Variants in MARK2 observed in about 807,000 individuals in gnomAD.
MARK2 encodes microtubule affinity regulating kinase 2, also known as serine/threonine-protein kinase MARK2.
Under a neutral mutation model 89.8 loss-of-function variants are expected in MARK2, and 16 were observed. That is an observed-to-expected ratio of 0.18 (90% CI 0.12 to 0.27). The LOEUF (loss-of-function observed/expected upper bound fraction) is 0.27, where lower values mean the gene tolerates loss of function less well. MARK2 is among the 10% of genes least tolerant of loss of function. The probability of loss-of-function intolerance (pLI) is 1.00; values close to 1 mark genes in which losing one functional copy is unlikely to be tolerated. For synonymous variants in MARK2, 382 were observed against 399.5 expected (o/e 0.96, Z 0.52); for missense variants, 621 against 1,049.9 (o/e 0.59, Z 5.65).
intron 18 of MARK2, 45 bp downstream of exon 18, chr11:63,908,349 C>T (rs1411612139): frequency 8.7e-6 from 13 of 1,486,752 alleles, no homozygotes; most frequent in Non-Finnish European, 1.2e-5. Flanking sequence ...GGCCACCGGG[C>T]TTGCCACAGC....
rs955129755 is a variant in MARK2, at chr11:63,889,750, G to A, written c.55-5409G>A. Among the ~76,000 whole-genome samples, 8 of 152,314 alleles carry A rather than the reference G, an allele frequency of 5.3e-5. No homozygotes were observed. In the East Asian group the frequency reaches 1.2e-3, roughly 22 times the overall value. On this transcript the variant is annotated intron_variant, in intron 1 of 18. Coordinates refer to ENST00000402010, the MANE Select transcript of MARK2 (RefSeq NM_001039469.3). The stretch of plus-strand genomic sequence containing the variant: ...TAGTAACTACTTGGTTTGCCTTTTG[G>A]TTCCAAATAACTGCCTTGCAGGGTG...
chr11:63,909,267 C>T lies in MARK2; in HGVS notation c.*30C>T, dbSNP rs1016076928. 3 of 1,545,792 alleles carry T rather than the reference C, an allele frequency of 1.9e-6. No individual in the cohort carries two copies. Among genetic ancestry groups the T allele is most frequent in the South Asian group, 1.2e-5 (1 of 83,684 alleles). ...CTGCCAGGAGCGGGGGCGGCGGGGG[C>T]GGGCCAGCTGGACGGGCTGCCGGCC... On this transcript the variant is annotated 3_prime_UTR_variant, in exon 19 of 19. Transcript: ENST00000402010.
chr11:63,863,982 C>G (rs1591001439), intron 1 of MARK2, among the ~76,000 whole-genome samples: 1 of 151,664 alleles, frequency 6.6e-6, no homozygotes, highest in Admixed American at 6.6e-5. Context: ...GAGACTGAGT[C>G]TCGCTTTGTC....
intron 3 of MARK2, 49 bp from the exon 4 acceptor site, chr11:63,898,183 T>C (rs2135334416): frequency 1.3e-6 from 2 of 1,543,730 alleles, no homozygotes; most frequent in East Asian, 4.5e-5. Context: ...TGGAGAGACC[T>C]GATGGGAGCA....
chr11:63,878,477 C>G (rs1193435326), intron 1 of MARK2, among the ~76,000 whole-genome samples: 1 of 149,440 alleles, frequency 6.7e-6, no homozygotes, highest in Non-Finnish European at 1.5e-5. Flanking sequence ...TCACGCCATT[C>G]TCCTGCCTCA....
chr11:63,854,186 CTGTG>C (rs55689743), intron 1 of MARK2, among the ~76,000 whole-genome samples: 3,029 of 141,610 alleles, frequency 0.021, 104 homozygotes, highest in African/African-American at 0.07. Flanking sequence ...ACTATTAATT[CTGTG>C]TGTGTGTGTG....
At chr11:63,840,704 T>C (rs2015969826) in intron 1 of MARK2, among the ~76,000 whole-genome samples, 1 of 152,236 alleles carries the variant, frequency 6.6e-6, no homozygotes, top group Admixed American at 6.5e-5. Flanking sequence ...ATTAGTCTCC[T>C]GCCTTCTTCA....
chr11:63,902,366 C>A lies in MARK2; in HGVS notation c.1234+36C>A. ...TTGGGAGTTGTAGGTGGGGACTCAC[C>A]CCTCTCCAGAGAGGTTACAGGTTCT... On this transcript the variant is annotated intron_variant, in intron 12 of 18. Coordinates refer to ENST00000402010, the MANE Select transcript of MARK2 (RefSeq NM_001039469.3). The surrounding 1 kb of genome is among the most constrained non-coding windows in gnomAD (Gnocchi z 4.2). 1.2e-6 allele frequency: 2 copies of A among 1,612,798 alleles called. No individual in the cohort carries two copies. Among genetic ancestry groups the A allele is most frequent in the Non-Finnish European group, 1.7e-6 (2 of 1,179,332 alleles).
chr11:63,904,281 C>T lies in MARK2; in HGVS notation c.1676+134C>T. On this transcript the variant is annotated intron_variant, in intron 15 of 18. Coordinates refer to ENST00000402010, the MANE Select transcript of MARK2 (RefSeq NM_001039469.3). The surrounding 1 kb of genome is among the most constrained non-coding windows in gnomAD (Gnocchi z 6.3). Reference sequence around the variant, plus strand: ...TTAGCCACAAGAAATGGGTCTGTCCCCTGCGGCCAGGAAGTGGAGGGAACA... The same window carrying T: ...TTAGCCACAAGAAATGGGTCTGTCCTCTGCGGCCAGGAAGTGGAGGGAACA... 1.3e-6 allele frequency: 1 copy of T among 758,302 alleles called. No homozygotes were observed. Among genetic ancestry groups the T allele is most frequent in the South Asian group, 2.0e-5 (1 of 50,456 alleles). 47.0% of individuals were successfully genotyped at this position (758,302 alleles called of 1,614,324 possible). A position where few individuals can be genotyped will look rare whatever the true frequency, so the allele number is the denominator to read the frequency against.
At position 63,902,592 on chromosome 11, in the gene MARK2, C is replaced by T. The variant is rs753890628; in HGVS notation, c.1235-9C>T. The T allele has an allele frequency of 6.2e-7, 1 of 1,612,562 alleles. No homozygotes were observed. Among genetic ancestry groups the T allele is most frequent in the Non-Finnish European group, 8.5e-7 (1 of 1,179,064 alleles). ...GGCCTTACCCATTCCCATCCTCCCT[C>T]TGGCCCAGCAGCTGGTCCTGCCATT... On this transcript the variant is annotated splice_polypyrimidine_tract_variant and intron_variant, in intron 12 of 18. Coordinates refer to ENST00000402010, the MANE Select transcript of MARK2 (RefSeq NM_001039469.3). The surrounding 1 kb of genome is among the most constrained non-coding windows in gnomAD (Gnocchi z 4.2).
chr11:63,898,699 T>C (rs1403353082), intron 5 of MARK2, 26 bp downstream of exon 5: 1 of 1,612,774 alleles, frequency 6.2e-7, no homozygotes, highest in Non-Finnish European at 8.5e-7. Flanking sequence ...CCTCTTCCTG[T>C]TGTGCCCCCA....
Position 63,904,093 on chromosome 11 carries a change from A to G in MARK2, c.1622A>G (p.Asn541Ser), listed in dbSNP as rs752981478. Residue 541 changes from asparagine (N) to serine (S), a missense_variant, in exon 15 of 19, where the codon AAC becomes AGC. Asn to Ser is a conservative substitution (Grantham distance 46, BLOSUM62 1). Transcript: ENST00000402010. This position sits in a 1 kb window ranked among gnomAD's most constrained non-coding sequence, Gnocchi z 6.3. ...TCCATGTCGGCCTCCGTGCACCCCA[A>G]CAAGGCCTCTGGGCTGCCCCCCACG... ...QKSMSASVHP[N>S]KASGLPPTES... 17 of 1,604,054 alleles carry G rather than the reference A, an allele frequency of 1.1e-5. No individual in the cohort carries two copies. The highest frequency in any genetic ancestry group is 1.7e-5 in the Admixed American group (1 of 59,614).
chr11:63,852,191 A>G (rs1045999456), intron 1 of MARK2, among the ~76,000 whole-genome samples: 3 of 152,176 alleles, frequency 2.0e-5, no homozygotes, highest in Non-Finnish European at 2.9e-5. Flanking sequence ...TGTGTTTTCT[A>G]TAATTTTTAA....
intron 1 of MARK2, chr11:63,888,529 G>A (rs982249772): frequency 1.3e-5 from 13 of 1,019,898 alleles, no homozygotes; most frequent in Admixed American, 1.1e-4. Context: ...ATCTAAACCC[G>A]CCTCTTTCTC....
intron 1 of MARK2, among the ~76,000 whole-genome samples, chr11:63,873,429 G>C (rs973590760): frequency 1.3e-5 from 2 of 152,134 alleles, no homozygotes; most frequent in East Asian, 3.9e-4. Flanking sequence ...TTGAGAGAAA[G>C]GGGATGTTGG....
Position 63,839,489 on chromosome 11 carries a change from C to T in MARK2, c.-18C>T, listed in dbSNP as rs1257787334. 6 of 1,501,614 alleles carry T rather than the reference C, an allele frequency of 4.0e-6. No homozygotes were observed. The highest frequency in any genetic ancestry group is 5.4e-6 in the Non-Finnish European group (6 of 1,109,388). 93.0% of individuals were successfully genotyped at this position (1,501,614 alleles called of 1,614,324 possible). A position where few individuals can be genotyped will look rare whatever the true frequency, so the allele number is the denominator to read the frequency against. On this transcript the variant is annotated 5_prime_UTR_variant, in exon 1 of 19. Coordinates refer to ENST00000402010, the MANE Select transcript of MARK2 (RefSeq NM_001039469.3). ...TTCCTCCAAGCTTCTCGGTTCCCTC[C>T]CCCGAGATACCGGCGCCATGTCCAG...
chr11:63,909,342 C>A lies in MARK2; in HGVS notation c.*105C>A. On this transcript the variant is annotated 3_prime_UTR_variant, in exon 19 of 19. Coordinates refer to ENST00000402010, the MANE Select transcript of MARK2 (RefSeq NM_001039469.3). ...ACTGCAGCGATGGATTGGTGTGTCT[C>A]CCCTGCTGGCACTTCTCCCCTCCCT... 1 of 1,223,154 alleles carries A rather than the reference C, an allele frequency of 8.2e-7. No homozygotes were observed. The highest frequency in any genetic ancestry group is 1.6e-5 in the South Asian group (1 of 61,778). 75.8% of individuals were successfully genotyped at this position (1,223,154 alleles called of 1,614,324 possible).
intron 1 of MARK2, among the ~76,000 whole-genome samples, chr11:63,861,237 C>A (rs923507114): frequency 1.8e-4 from 27 of 152,210 alleles, no homozygotes; most frequent in African/African-American, 5.1e-4. Flanking sequence ...AGTTCAAGAC[C>A]AGCCTGGCCA....
chr11:63,895,416 T>C (rs2135326408), intron 2 of MARK2, 78 bp downstream of exon 2: 2 of 1,506,208 alleles, frequency 1.3e-6, no homozygotes, highest in East Asian at 4.5e-5. Context: ...GGACTACTAC[T>C]GCAGCCAACC....
Sources: allele counts gnomAD v4.1 joint callset (sites outside exome capture counted in the v4.1 genomes callset), GRCh38; gene constraint gnomAD v4.1.1; non-coding constraint Gnocchi (gnomAD v3.1); transcripts MANE v1.5; gene names NCBI Gene and HGNC (gene_info 2026-07-23, HGNC 2026-07-21).